NLGN1: variants seen among roughly 807,000 people sequenced by gnomAD.
The protein encoded by NLGN1 is neuroligin 1, also known as neuroligin-1.
A neutral mutation model predicts 65.5 loss-of-function variants in NLGN1; 12 were observed. The ratio of observed to expected loss-of-function variants is 0.18; its 90% CI spans 0.12 to 0.30. The LOEUF is 0.30. Among genes scored for constraint, NLGN1 ranks in the 10% least tolerant of loss-of-function variants. The pLI is 1.00. For missense variants in NLGN1, 750 were observed against 1,007.1 expected (o/e 0.74, Z 3.46); for synonymous variants, 350 against 359.5 (o/e 0.97, Z 0.30).
intron 4 of NLGN1, among the ~76,000 whole-genome samples, chr3:174,242,490 C>T (rs1441776744): frequency 6.6e-6 from 1 of 152,130 alleles, no homozygotes; most frequent in African/African-American, 2.4e-5. Context: ...CCATTGCTCA[C>T]ATTACTGCCT....
rs1010319629 is a variant in NLGN1 at position 174,030,123 on chromosome 3, T to C, written c.646+222291T>C. Reference sequence around the variant, plus strand: ...CCTTATGACCACTCTTTAAGTTAGCTTTTTTTTTTTTTTTTTTTTGAGACA... The same window carrying C: ...CCTTATGACCACTCTTTAAGTTAGCCTTTTTTTTTTTTTTTTTTTGAGACA... On this transcript the variant is annotated intron_variant, in intron 4 of 6. Coordinates refer to ENST00000457714, the Ensembl canonical transcript of NLGN1. Among the ~76,000 whole-genome samples, 18 of 71,932 alleles carry C rather than the reference T, an allele frequency of 2.5e-4. No individual in the cohort carries two copies. In the East Asian group the frequency reaches 0.01, roughly 41 times the overall value. The allele number at this position is 71,932 out of a possible 152,430, so 47.2% of individuals were successfully genotyped here. A position where few individuals can be genotyped will look rare whatever the true frequency, so the allele number is the denominator to read the frequency against.
Position 174,266,067 on chromosome 3 carries a change from T to C in NLGN1, c.647-9248T>C, listed in dbSNP as rs1159202735. Among the ~76,000 whole-genome samples, 8 of 150,600 alleles carry C rather than the reference T, an allele frequency of 5.3e-5. No homozygotes were observed. In the Admixed American group the frequency reaches 5.3e-4, roughly 10 times the overall value. ...ATATATTTTTTTTTTCTTTCCAACT[T>C]TTATTTTAGGTGCAGTGGCTATATG... On this transcript the variant is annotated intron_variant, in intron 4 of 6. Coordinates refer to ENST00000457714, the Ensembl canonical transcript of NLGN1.
At chr3:173,734,887 G>A (rs1227685471) in intron 3 of NLGN1, among the ~76,000 whole-genome samples, 2 of 151,964 alleles carry the variant, frequency 1.3e-5, no homozygotes, top group Admixed American at 1.3e-4. Flanking sequence ...TATTAGCAAC[G>A]GCAGAATAAA....
chr3:173,986,843 A>G (rs926349120), intron 4 of NLGN1, among the ~76,000 whole-genome samples: 4 of 152,170 alleles, frequency 2.6e-5, no homozygotes, highest in Non-Finnish European at 5.9e-5. Flanking sequence ...ACAGTGAACA[A>G]TCTTCCTCAG....
intron 2 of NLGN1, among the ~76,000 whole-genome samples, chr3:173,531,109 CT>C (rs148450267): frequency 0.011 from 1,728 of 152,148 alleles, 30 homozygotes; most frequent in African/African-American, 0.04. Flanking sequence ...TATTGTGACA[CT>C]TACTTTTCTT....
intron 4 of NLGN1, among the ~76,000 whole-genome samples, chr3:173,821,222 T>C (rs1263890659): frequency 6.6e-6 from 1 of 152,222 alleles, no homozygotes; most frequent in Non-Finnish European, 1.5e-5. Context: ...GAAATACTAA[T>C]TTCTGTTCTA....
chr3:173,451,166 C>G (rs933534866), intron 2 of NLGN1, among the ~76,000 whole-genome samples: 1 of 152,162 alleles, frequency 6.6e-6, no homozygotes, highest in African/African-American at 2.4e-5. Flanking sequence ...TTTTTCTGCT[C>G]TGTTTTTTCC....
chr3:174,242,049 C>T (rs1742972607), intron 4 of NLGN1, among the ~76,000 whole-genome samples: 1 of 152,110 alleles, frequency 6.6e-6, no homozygotes, highest in Non-Finnish European at 1.5e-5. Flanking sequence ...TCACAGCAAC[C>T]GAGCATAACG....
intron 2 of NLGN1, among the ~76,000 whole-genome samples, chr3:173,481,700 T>A (rs1727314483): frequency 6.6e-6 from 1 of 151,912 alleles, no homozygotes; most frequent in African/African-American, 2.4e-5. Context: ...AGGTAGCTGC[T>A]TAGATGTTGA....
intron 1 of NLGN1, among the ~76,000 whole-genome samples, chr3:173,432,742 ATTTC>A (rs1717416423): frequency 6.6e-6 from 1 of 151,750 alleles, no homozygotes; most frequent in Non-Finnish European, 1.5e-5. Context: ...CTTATCAACT[ATTTC>A]TTTTGTGGAT....
intron 3 of NLGN1, among the ~76,000 whole-genome samples, chr3:173,733,776 A>T (rs1450551541): frequency 1.3e-5 from 2 of 152,132 alleles, no homozygotes; most frequent in African/African-American, 4.8e-5. Context: ...AAGGTAATAA[A>T]ATTATGGCCT....
At chr3:174,122,661 CGTT>C (rs1435838232) in intron 4 of NLGN1, among the ~76,000 whole-genome samples, 1 of 152,072 alleles carries the variant, frequency 6.6e-6, no homozygotes, top group Non-Finnish European at 1.5e-5. Flanking sequence ...TTAACAATGA[CGTT>C]GTTTTTAAGC....
intron 4 of NLGN1, among the ~76,000 whole-genome samples, chr3:174,264,939 G>A (rs529771336): frequency 6.6e-6 from 1 of 152,096 alleles, no homozygotes; most frequent in Non-Finnish European, 1.5e-5. Flanking sequence ...GGAATACCCT[G>A]CTGTGTGAGG....
At chr3:173,414,787 G>A (rs1713339644) in intron 1 of NLGN1, among the ~76,000 whole-genome samples, 1 of 152,174 alleles carries the variant, frequency 6.6e-6, no homozygotes, top group Non-Finnish European at 1.5e-5. Context: ...GGAGGAGCAG[G>A]ACCACGAAAG....
At chr3:173,428,463 T>A (rs2148728544) in intron 1 of NLGN1, among the ~76,000 whole-genome samples, 1 of 152,120 alleles carries the variant, frequency 6.6e-6, no homozygotes, top group African/African-American at 2.4e-5. Flanking sequence ...GATTTATGAT[T>A]ACCATAAGGC....
chr3:173,978,643 A>G (rs531958593), intron 4 of NLGN1, among the ~76,000 whole-genome samples: 1 of 152,048 alleles, frequency 6.6e-6, no homozygotes, highest in Admixed American at 6.6e-5. Flanking sequence ...CATTAAAGCC[A>G]AGGGAAGAAA....
At chr3:174,151,679 A>T (rs1287662910) in intron 4 of NLGN1, among the ~76,000 whole-genome samples, 1 of 152,134 alleles carries the variant, frequency 6.6e-6, no homozygotes, top group Non-Finnish European at 1.5e-5. Flanking sequence ...TCATTGTGTT[A>T]TGTTGATGGG....
rs113705887 is a variant in NLGN1 at position 174,083,921 on chromosome 3, G to A, written c.647-191394G>A. On this transcript the variant is annotated intron_variant, in intron 4 of 6. Transcript: ENST00000457714. ...GCACATTATGAAGAAACAAAACCAC[G>A]ACCACAACAAAACCAAGCACTGTTC... 3.8e-3 allele frequency among the ~76,000 whole-genome samples: 572 copies of A among 152,148 alleles called. 6 individuals are homozygous for A. The highest frequency in any genetic ancestry group is 0.012 in the African/African-American group (511 of 41,502).
intron 4 of NLGN1, among the ~76,000 whole-genome samples, chr3:173,852,355 CAAAAAAAAAA>C (rs71162367): frequency 2.1e-5 from 1 of 46,660 alleles, no homozygotes; most frequent in East Asian, 9.6e-4. Flanking sequence ...GACTCCGTCT[CAAAAAAAAAA>C]AAAAAAAAAA....
Sources: gnomAD v4.1 joint callset for allele counts (sites outside exome capture counted in the v4.1 genomes callset) on GRCh38, gnomAD v4.1.1 for gene constraint, MANE v1.5 for transcripts, NCBI Gene and HGNC (gene_info 2026-07-23, HGNC 2026-07-21) for gene names.